PCDHGA5: variants seen among roughly 807,000 people sequenced by gnomAD.
PCDHGA5 encodes the protein protocadherin gamma subfamily A, 5, also known as protocadherin gamma-A5.
In PCDHGA5, 36 loss-of-function variants were observed where a neutral mutation model predicts 56.7. The observed-to-expected ratio is 0.64, with a 90% CI of 0.49 to 0.84. The LOEUF is 0.84. Ranked by LOEUF, PCDHGA5 falls within the 40% of genes least tolerant of loss-of-function variation. The pLI, the probability that PCDHGA5 is intolerant of heterozygous loss-of-function variation, is 0.00. For synonymous variants in PCDHGA5, 563 were observed against 520.2 expected (o/e 1.08, Z -1.12); for missense variants, 1,305 against 1,201.5 (o/e 1.09, Z -1.27).
In PCDHGA5 at chr5:141,432,627, C is replaced by G. The variant is rs886117102; in HGVS notation, c.2422-62180C>G. On this transcript the variant is annotated intron_variant, in intron 1 of 3. Transcript: ENST00000518069. This position sits in a 1 kb window ranked among gnomAD's most constrained non-coding sequence, Gnocchi z 6.0. The stretch of plus-strand genomic sequence containing the variant: ...GGACTCTTCTCGGTGGGTCTGCACA[C>G]GGGCGAGGTGCGCACGGCGCGAGCC... The G allele has an allele frequency of 1.2e-6, 2 of 1,613,652 alleles. No individual in the cohort carries two copies. The highest frequency in any genetic ancestry group is 2.7e-5 in the African/African-American group (2 of 74,886).
At chr5:141,384,819 G>C (rs1251597245) in intron 1 of PCDHGA5, 2 of 1,613,524 alleles carry the variant, frequency 1.2e-6, no homozygotes, top group African/African-American at 1.3e-5. Flanking sequence ...CCCTCAAGCA[G>C]AGCCTCGTGG....
chr5:141,421,695 T>C (rs374319762), intron 1 of PCDHGA5: 15 of 1,613,840 alleles, frequency 9.3e-6, no homozygotes, highest in Non-Finnish European at 1.2e-5. Context: ...TTGCTCTTCC[T>C]AATGCTAGGG....
chr5:141,448,814 G>A (rs967588194), intron 1 of PCDHGA5, among the ~76,000 whole-genome samples: 14 of 152,122 alleles, frequency 9.2e-5, no homozygotes, highest in Non-Finnish European at 1.8e-4. Flanking sequence ...GCGTGATGGC[G>A]GGCGCCTGTA....
At position 141,502,866 on chromosome 5, in the gene PCDHGA5, C is replaced by CTTTTTTTTTTT. The variant is rs549047197; in HGVS notation, c.2481-2523_2481-2513dup. Among the ~76,000 whole-genome samples the CTTTTTTTTTTT allele has an allele frequency of 4.4e-4, 56 of 128,014 alleles. 1 individual carries two copies. The highest frequency in any genetic ancestry group is 5.1e-4 in the Non-Finnish European group (32 of 62,412). The allele number at this position is 128,014 out of a possible 152,430, so 84.0% of individuals were successfully genotyped here. ...GAGCTGCCTAACCCTGACTCTCTGTCTTTTTTTTTTTTTTGACAGGGAGTC... is the reference window on the plus strand; with the variant it reads ...GAGCTGCCTAACCCTGACTCTCTGTCTTTTTTTTTTTTTTTTTTTTTTTTTGACAGGGAGTC... On this transcript the variant is annotated intron_variant, in intron 2 of 3. Coordinates refer to ENST00000518069, the MANE Select transcript of PCDHGA5 (RefSeq NM_018918.3).
chr5:141,399,071 T>C (rs2093748237), intron 1 of PCDHGA5: 1 of 1,613,808 alleles, frequency 6.2e-7, no homozygotes. Flanking sequence ...TCAATGGTTG[T>C]AGAAGGGAGG....
At chr5:141,426,010 C>T (rs2096909211) in intron 1 of PCDHGA5, among the ~76,000 whole-genome samples, 1 of 152,178 alleles carries the variant, frequency 6.6e-6, no homozygotes, top group Non-Finnish European at 1.5e-5. Flanking sequence ...CTTCCGGCTG[C>T]AGTTTTCTAA....
At position 141,476,140 on chromosome 5, in the gene PCDHGA5, C is replaced by A. The variant is rs1410430310; in HGVS notation, c.2422-18667C>A. On this transcript the variant is annotated intron_variant, in intron 1 of 3. Coordinates refer to ENST00000518069, the MANE Select transcript of PCDHGA5 (RefSeq NM_018918.3). The surrounding 1 kb of genome is among the most constrained non-coding windows in gnomAD (Gnocchi z 7.6). ...AGATGGTCCCAGAGGCCTGGAGGAG[C>A]GGACTGGTAAGCACCGGGAGGGTAG... 6 of 1,609,222 alleles carry A rather than the reference C, an allele frequency of 3.7e-6. No homozygotes were observed. The highest frequency in any genetic ancestry group is 5.1e-6 in the Non-Finnish European group (6 of 1,178,484).
chr5:141,410,502 T>C, intron 1 of PCDHGA5: 2 of 1,614,018 alleles, frequency 1.2e-6, no homozygotes, highest in Non-Finnish European at 1.7e-6. Context: ...TTTAATTTCC[T>C]AAAATGCAGT....
chr5:141,394,837 T>G lies in PCDHGA5; in HGVS notation c.2421+28086T>G, dbSNP rs993988817. 198 of 1,613,706 alleles carry G rather than the reference T, an allele frequency of 1.2e-4. No homozygotes were observed. The highest frequency in any genetic ancestry group is 1.6e-4 in the Non-Finnish European group (187 of 1,179,960). ...AGCATCCCCGAAGTCCTGACCGAGT[T>G]GGGCAGTCTGAAGCCTTCGGTCGAC... is the stretch of plus-strand genomic sequence containing the variant. On this transcript the variant is annotated intron_variant, in intron 1 of 3. Coordinates refer to ENST00000518069, the MANE Select transcript of PCDHGA5 (RefSeq NM_018918.3).
At chr5:141,384,012 A>G in intron 1 of PCDHGA5, 1 of 1,613,830 alleles carries the variant, frequency 6.2e-7, no homozygotes, top group Non-Finnish European at 8.5e-7. Flanking sequence ...TTTTCTACCT[A>G]CAAGACAGAG....
chr5:141,390,601 C>T, intron 1 of PCDHGA5: 1 of 317,490 alleles, frequency 3.1e-6, no homozygotes. Context: ...TTTTCCTATA[C>T]ATTTTCCTTC....
At position 141,487,603 on chromosome 5, in the gene PCDHGA5, C is replaced by T; in HGVS notation, c.2422-7204C>T. The stretch of plus-strand genomic sequence containing the variant: ...CAAGCTGCCCACCCTCTGATCTTCT[C>T]TATGGGCTAGAGGTGAGACCTTTGC... On this transcript the variant is annotated intron_variant, in intron 1 of 3. Transcript: ENST00000518069. This position sits in a 1 kb window ranked among gnomAD's most constrained non-coding sequence, Gnocchi z 5.0. 1.2e-6 allele frequency: 2 copies of T among 1,614,214 alleles called. No individual in the cohort carries two copies. Among genetic ancestry groups the T allele is most frequent in the Non-Finnish European group, 1.7e-6 (2 of 1,180,042 alleles).
intron 1 of PCDHGA5, chr5:141,430,789 C>A (rs2097310124): frequency 6.6e-7 from 1 of 1,515,808 alleles, no homozygotes; most frequent in Non-Finnish European, 8.8e-7. Context: ...ACCGGGACTA[C>A]AAAGGGCTTG....
At chr5:141,447,719 C>T (rs1333017511) in intron 1 of PCDHGA5, among the ~76,000 whole-genome samples, 2 of 152,226 alleles carry the variant, frequency 1.3e-5, no homozygotes, top group East Asian at 3.9e-4. Context: ...TACACATTTT[C>T]CAAAACTCAT....
At chr5:141,474,652 T>C (rs962582027) in intron 1 of PCDHGA5, among the ~76,000 whole-genome samples, 1 of 152,206 alleles carries the variant, frequency 6.6e-6, no homozygotes, top group African/African-American at 2.4e-5. Context: ...TCCTTACTTC[T>C]TTTCTACCTA....
chr5:141,439,904 C>T (rs1175032042), intron 1 of PCDHGA5: 2 of 152,364 alleles, frequency 1.3e-5, no homozygotes, highest in East Asian at 1.9e-4. Context: ...GCGACTACTG[C>T]CTCCTTTCCT....
At chr5:141,421,089 T>A (rs1047424267) in intron 1 of PCDHGA5, 25 of 661,836 alleles carry the variant, frequency 3.8e-5, no homozygotes, top group Middle Eastern at 4.1e-4. Context: ...TCACAGATCC[T>A]GACACTGGAG....
rs374181150 is a variant in PCDHGA5, at chr5:141,477,134, G to C, written c.2422-17673G>C. The C allele has an allele frequency of 2.5e-5, 41 of 1,614,092 alleles. No homozygotes were observed. Among genetic ancestry groups the C allele is most frequent in the Non-Finnish European group, 3.4e-5 (40 of 1,180,056 alleles). ...CGAAGGAGCACATTGCAAAGTGTTG[G>C]TGGAGGTTGTGGATGTGAATGACAA... is the stretch of plus-strand genomic sequence containing the variant. On this transcript the variant is annotated intron_variant, in intron 1 of 3. Coordinates refer to ENST00000518069, the MANE Select transcript of PCDHGA5 (RefSeq NM_018918.3). The surrounding 1 kb of genome is among the most constrained non-coding windows in gnomAD (Gnocchi z 4.9).
At position 141,431,942 on chromosome 5, in the gene PCDHGA5, G is replaced by A. The variant is rs1284808063; in HGVS notation, c.2422-62865G>A. 6.2e-7 allele frequency: 1 copy of A among 1,614,116 alleles called. No homozygotes were observed. The highest frequency in any genetic ancestry group is 2.2e-5 in the East Asian group (1 of 44,884). ...CCAAGGAAATCTGCCCTTTAAATTA[G>A]AAAAATCTTACGGAAATTACTATAG... On this transcript the variant is annotated intron_variant, in intron 1 of 3. Transcript: ENST00000518069. The surrounding 1 kb of genome is among the most constrained non-coding windows in gnomAD (Gnocchi z 4.8).
Sources: allele counts gnomAD v4.1 joint callset (sites outside exome capture counted in the v4.1 genomes callset), GRCh38; gene constraint gnomAD v4.1.1; non-coding constraint Gnocchi (gnomAD v3.1); transcripts MANE v1.5; gene names NCBI Gene and HGNC (gene_info 2026-07-23, HGNC 2026-07-21).